TBC1D4: variants seen among roughly 807,000 people sequenced by gnomAD.
TBC1D4 encodes TBC1 domain family member 4.
A neutral mutation model predicts 142.5 loss-of-function variants in TBC1D4; 121 were observed. That is an observed-to-expected ratio of 0.85 (90% confidence interval 0.73 to 0.99). The LOEUF is 0.99. Ranked by LOEUF, TBC1D4 falls within the 50% of genes least tolerant of loss-of-function variation. The pLI is 0.00. For synonymous variants in TBC1D4, 630 were observed against 628.2 expected (o/e 1.00, Z -0.04); for missense variants, 1,475 against 1,606.6 (o/e 0.92, Z 1.40).
intron 1 of TBC1D4, among the ~76,000 whole-genome samples, chr13:75,420,627 C>A (rs1886123815): frequency 6.6e-6 from 1 of 152,172 alleles, no homozygotes; most frequent in African/African-American, 2.4e-5. Context: ...CTAATTAGAT[C>A]TCTAGTAAAG....
chr13:75,396,688 CAAT>C (rs1478361497), intron 1 of TBC1D4, among the ~76,000 whole-genome samples: 3 of 151,494 alleles, frequency 2.0e-5, no homozygotes, highest in Admixed American at 6.6e-5. Flanking sequence ...AAGAAAAAAA[CAAT>C]GATGAAGCAG....
Position 75,312,764 on chromosome 13 carries a change from T to G in TBC1D4, c.2357A>C (p.Lys786Thr). Residue 786 changes from lysine (K) to threonine (T), a missense_variant, in exon 13 of 21, where the codon AAA becomes ACA. Lys to Thr is a moderately conservative substitution (Grantham distance 78). Coordinates refer to ENST00000377636, the MANE Select transcript of TBC1D4 (RefSeq NM_014832.5). ...IFLRVASPMN[K>T]SPSAMQQQDG... Reference sequence around the variant, plus strand: ...TTGCTGTTGCATTGCTGAGGGAGATTTGTTCATGGGAGAAGCAACCCTGAG... The same window carrying G: ...TTGCTGTTGCATTGCTGAGGGAGATGTGTTCATGGGAGAAGCAACCCTGAG... 1 of 1,614,180 alleles carries G rather than the reference T, an allele frequency of 6.2e-7. No homozygotes were observed. The highest frequency in any genetic ancestry group is 1.6e-4 in the Middle Eastern group (1 of 6,062).
chr13:75,336,827 T>C (rs1406961519), intron 8 of TBC1D4, 94 bp downstream of exon 8: 1 of 1,402,522 alleles, frequency 7.1e-7, no homozygotes, highest in Non-Finnish European at 9.8e-7. Context: ...GTTTGTTTTT[T>C]GTTTTAAGGA....
intron 1 of TBC1D4, among the ~76,000 whole-genome samples, chr13:75,424,453 A>T (rs182247893): frequency 6.6e-6 from 1 of 152,272 alleles, no homozygotes; most frequent in Non-Finnish European, 1.5e-5. Flanking sequence ...AGTGATCTAC[A>T]GATTCAATGC....
Position 75,390,871 on chromosome 13 carries a change from G to T in TBC1D4, c.499-28264C>A, listed in dbSNP as rs1206927543. Among the ~76,000 whole-genome samples, 12 of 145,120 alleles carry T rather than the reference G, an allele frequency of 8.3e-5. No homozygotes were observed. In the East Asian group the frequency reaches 2.5e-3, roughly 30 times the overall value. On this transcript the variant is annotated intron_variant, in intron 1 of 20. Coordinates refer to ENST00000377636, the MANE Select transcript of TBC1D4 (RefSeq NM_014832.5). ...GGGAGGGGAGGGGAGGGGAGGGGAG[G>T]GGAGGGGAGGGGAGGGAAGGTGAGG...
chr13:75,309,855 G>T (rs1216526649), intron 14 of TBC1D4, 87 bp downstream of exon 14: 1 of 1,335,366 alleles, frequency 7.5e-7, no homozygotes, highest in Non-Finnish European at 1.1e-6. Context: ...ACTGAGTGCG[G>T]ATAGTATGTA....
Position 75,289,010 on chromosome 13 carries a change from C to T in TBC1D4, c.3587G>A (p.Ser1196Asn). The change falls in exon 20 of 21, where the codon AGT becomes AAT. Residue 1196 changes from serine (S) to asparagine (N), a missense_variant. Coordinates refer to ENST00000377636, the MANE Select transcript of TBC1D4 (RefSeq NM_014832.5). ...CCTCTCCAGCTTCTCCAAAGTTTCA[C>T]TATCCTCACAGGAATATGAAGATTC... ...LQESSYSCED[S>N]ETLEKLERAN... 1.2e-6 allele frequency: 2 copies of T among 1,613,938 alleles called. No individual in the cohort carries two copies. Among genetic ancestry groups the T allele is most frequent in the South Asian group, 2.2e-5 (2 of 91,078 alleles).
At chr13:75,387,072 TTTA>T (rs1884222830) in intron 1 of TBC1D4, among the ~76,000 whole-genome samples, 1 of 152,218 alleles carries the variant, frequency 6.6e-6, no homozygotes, top group Admixed American at 6.5e-5. Context: ...ATTTAAAATA[TTTA>T]TTAACTCACT....
At chr13:75,416,519 G>C (rs1489070119) in intron 1 of TBC1D4, among the ~76,000 whole-genome samples, 2 of 152,130 alleles carry the variant, frequency 1.3e-5, no homozygotes, top group African/African-American at 2.4e-5. Context: ...AGTATTCACA[G>C]AGCCTCAAGT....
intron 3 of TBC1D4, among the ~76,000 whole-genome samples, chr13:75,357,039 G>T (rs1421146571): frequency 6.6e-6 from 1 of 152,210 alleles, no homozygotes; most frequent in Non-Finnish European, 1.5e-5. Context: ...AGTCAGATTT[G>T]TGCTGAAATC....
At chr13:75,456,600 C>T (rs781280847) in intron 1 of TBC1D4, among the ~76,000 whole-genome samples, 19 of 151,962 alleles carry the variant, frequency 1.3e-4, no homozygotes, top group Non-Finnish European at 2.4e-4. Context: ...CCATGAGATA[C>T]AAATACATTC....
At chr13:75,425,465 G>C (rs1203527942) in intron 1 of TBC1D4, among the ~76,000 whole-genome samples, 3 of 151,992 alleles carry the variant, frequency 2.0e-5, no homozygotes, top group Non-Finnish European at 2.9e-5. Context: ...CCCACTACTG[G>C]GTATATATCT....
intron 15 of TBC1D4, among the ~76,000 whole-genome samples, chr13:75,304,189 T>C (rs1478007207): frequency 6.6e-6 from 1 of 152,230 alleles, no homozygotes; most frequent in Non-Finnish European, 1.5e-5. Flanking sequence ...GAAAATGTCA[T>C]TTTTAGAAGG....
At chr13:75,321,899 T>C (rs1878811517) in intron 11 of TBC1D4, among the ~76,000 whole-genome samples, 1 of 152,176 alleles carries the variant, frequency 6.6e-6, no homozygotes, top group Admixed American at 6.5e-5. Flanking sequence ...GAATTAAATC[T>C]CACAAACGAA....
At chr13:75,451,260 G>A (rs868714195) in intron 1 of TBC1D4, among the ~76,000 whole-genome samples, 1 of 151,902 alleles carries the variant, frequency 6.6e-6, no homozygotes, top group Non-Finnish European at 1.5e-5. Flanking sequence ...AAAGTGCCTC[G>A]CAGTGTCTGC....
At chr13:75,361,283 G>C (rs1882477113) in intron 2 of TBC1D4, among the ~76,000 whole-genome samples, 1 of 152,076 alleles carries the variant, frequency 6.6e-6, no homozygotes, top group Non-Finnish European at 1.5e-5. Context: ...ACAAATACAA[G>C]TCTCTGGAGT....
Position 75,294,989 on chromosome 13 carries a change from G to A in TBC1D4, c.3181C>T (p.Leu1061Phe), listed in dbSNP as rs756869773. ...AGATCTCTGTGATAGTCATGAAGGA[G>A]CCTGGACAGCTGGTACATTTGAATC... ...LQIQMYQLSR[L>F]LHDYHRDLYN... is the part of the protein sequence containing the mutation. Residue 1061 changes from leucine to phenylalanine, a missense_variant, in exon 18 of 21, where the codon CTC becomes TTC. Physicochemically the swap from Leu to Phe is conservative, Grantham distance 22. Around this residue, in one of 2 missense-constraint regions of TBC1D4, gnomAD observed 248 missense variants for 338.9 expected, o/e 0.73. Transcript: ENST00000377636. 6.2e-7 allele frequency: 1 copy of A among 1,613,780 alleles called. No individual in the cohort carries two copies. Among genetic ancestry groups the A allele is most frequent in the Non-Finnish European group, 8.5e-7 (1 of 1,179,812 alleles).
intron 1 of TBC1D4, among the ~76,000 whole-genome samples, chr13:75,423,055 T>C (rs2138128001): frequency 6.6e-6 from 1 of 152,282 alleles, no homozygotes; most frequent in South Asian, 2.1e-4. Flanking sequence ...AAACATATTT[T>C]AATGATGCGA....
chr13:75,461,495 T>C lies in TBC1D4; in HGVS notation c.498+19775A>G, dbSNP rs538304249. The stretch of plus-strand genomic sequence containing the variant: ...CTAAGTGCTATAAACTTTCTAGCTG[T>C]ACCAAAATTCTCTTTCAAAGTACTA... On this transcript the variant is annotated intron_variant, in intron 1 of 20. Coordinates refer to ENST00000377636, the MANE Select transcript of TBC1D4 (RefSeq NM_014832.5). Among the ~76,000 whole-genome samples, 97 of 152,346 alleles carry C rather than the reference T, an allele frequency of 6.4e-4. 2 individuals carry two copies. In the South Asian group the frequency reaches 0.015, roughly 24 times the overall value.
Sources: gnomAD v4.1 joint callset for allele counts (sites outside exome capture counted in the v4.1 genomes callset) on GRCh38, gnomAD v4.1.1 for gene constraint, gnomAD v4.1.1 regional missense constraint, MANE v1.5 for transcripts, NCBI Gene and HGNC (gene_info 2026-07-23, HGNC 2026-07-21) for gene names.